GOLGA8S: variants seen among roughly 807,000 people sequenced by gnomAD.
The protein encoded by GOLGA8S is golgin subfamily A member 8S.
In GOLGA8S, 23 loss-of-function variants were observed where a neutral mutation model predicts 58.9. The observed-to-expected ratio is 0.39, with a 90% confidence interval of 0.28 to 0.55. The LOEUF is 0.55. Ranked by LOEUF, GOLGA8S falls within the 20% of genes least tolerant of loss-of-function variation. The probability of loss-of-function intolerance (pLI) is 0.63; values close to 1 mark genes in which losing one functional copy is unlikely to be tolerated. For missense variants in GOLGA8S, 266 were observed against 514.2 expected, an observed-to-expected ratio of 0.52 and a Z score of 4.67; for synonymous variants, 84 against 195.7, an observed-to-expected ratio of 0.43 and a Z score of 4.76.
At chr15:23,360,884 C>T (rs1264319661) in intron 11 of GOLGA8S, 69 bp downstream of exon 11, 2 of 930,992 alleles carry the variant, frequency 2.1e-6, no homozygotes, top group African/African-American at 1.6e-5. Flanking sequence ...GCTTGGAGTG[C>T]CCCAGCGAGG....
chr15:23,365,463 G>T (rs879243374), downstream of GOLGA8S: 1 of 438,364 alleles, frequency 2.3e-6, no homozygotes, highest in Non-Finnish European at 4.1e-6. Context: ...AACTGTTCTC[G>T]CTGGTTTGGA....
At chr15:23,361,939 G>C in intron 13 of GOLGA8S, 147 bp downstream of exon 13, 1 of 642,124 alleles carries the variant, frequency 1.6e-6, no homozygotes, top group Non-Finnish European at 2.8e-6. Flanking sequence ...TCCTGTGGCT[G>C]TTTCTTGCTT....
At chr15:23,365,070 G>A (rs1487069764) in exon 19 of GOLGA8S, 1 of 1,580,898 alleles carries the variant, frequency 6.3e-7, no homozygotes, top group Non-Finnish European at 8.6e-7. Flanking sequence ...GAGCACCCAG[G>A]CTTGGGCAAC....
intron 10 of GOLGA8S, 22 bp downstream of exon 10, chr15:23,360,554 C>T (rs1255114569): frequency 5.2e-6 from 4 of 762,528 alleles, no homozygotes; most frequent in Non-Finnish European, 9.5e-6. Flanking sequence ...CCCTTCAGCC[C>T]CCCCACATTA....
downstream of GOLGA8S, among the ~76,000 whole-genome samples, chr15:23,367,859 A>C (rs1306761696): frequency 1.3e-5 from 2 of 151,960 alleles, no homozygotes; most frequent in African/African-American, 4.8e-5. Flanking sequence ...ATGGCAATAT[A>C]TAATAATCAT....
downstream of GOLGA8S, chr15:23,366,443 A>G (rs2069923237): frequency 6.6e-6 from 1 of 151,944 alleles, no homozygotes; most frequent in Admixed American, 6.6e-5. Context: ...GTTGAAACAA[A>G]AGGGAGTTTT....
At chr15:23,357,090 G>A (rs1596014442) in intron 2 of GOLGA8S, among the ~76,000 whole-genome samples, 2 of 141,944 alleles carry the variant, frequency 1.4e-5, no homozygotes, top group East Asian at 4.2e-4. Context: ...ACAGTCACTT[G>A]GCACAGGAGT....
chr15:23,360,666 G>C (rs660589), intron 10 of GOLGA8S, 62 bp from the exon 11 acceptor site: 4 of 1,234,430 alleles, frequency 3.2e-6, no homozygotes, highest in South Asian at 1.2e-5. Context: ...GAGAGGGAGA[G>C]GGCAGCCTGT....
chr15:23,359,523 G>A (rs1432478341), intron 8 of GOLGA8S, among the ~76,000 whole-genome samples: 1 of 142,880 alleles, frequency 7.0e-6, no homozygotes, highest in African/African-American at 2.7e-5. Context: ...GTACAGAAGA[G>A]TACCTTTAGT....
At chr15:23,365,123 A>C (rs747010663) in exon 19 of GOLGA8S, 3 of 1,588,196 alleles carry the variant, frequency 1.9e-6, no homozygotes, top group Non-Finnish European at 2.6e-6. Context: ...GCTGCCAAGA[A>C]GAAGGAGATA....
chr15:23,361,806 T>C lies in GOLGA8S; in HGVS notation c.1179+14T>C, dbSNP rs1302819003. On this transcript the variant is annotated intron_variant, in intron 13 of 18. Transcript: ENST00000562295. ...AAGCTAGGCAAGGTGAAGGAGACGGTAACCTCCACCCCATCCAAGAAGGTC... is the reference window on the plus strand; with the variant it reads ...AAGCTAGGCAAGGTGAAGGAGACGGCAACCTCCACCCCATCCAAGAAGGTC... The C allele has an allele frequency of 4.5e-6, 3 of 665,334 alleles. No homozygotes were observed. The highest frequency in any genetic ancestry group is 8.1e-6 in the Non-Finnish European group (3 of 370,244). 41.2% of individuals were successfully genotyped at this position (665,334 alleles called of 1,614,324 possible).
At chr15:23,363,720 C>T in exon 15 of GOLGA8S, 1 of 534,948 alleles carries the variant, frequency 1.9e-6, no homozygotes, top group Non-Finnish European at 3.1e-6. Context: ...GAGGAGGCAC[C>T]TCGGCCCATT....
intron 15 of GOLGA8S, among the ~76,000 whole-genome samples, 194 bp from the exon 16 acceptor site, chr15:23,364,149 G>A (rs888904301): frequency 1.4e-5 from 2 of 138,028 alleles, no homozygotes; most frequent in African/African-American, 5.0e-5. Context: ...CCCAGAAGGA[G>A]CCAGAGGCAG....
chr15:23,362,656 T>C (rs2069821749), intron 13 of GOLGA8S, among the ~76,000 whole-genome samples: 1 of 139,726 alleles, frequency 7.2e-6, no homozygotes, highest in South Asian at 2.5e-4. Flanking sequence ...GGACATGAGA[T>C]TTGAGGCTGG....
At chr15:23,357,781 G>A (rs2069711355) in intron 4 of GOLGA8S, among the ~76,000 whole-genome samples, 162 bp downstream of exon 4, 1 of 149,012 alleles carries the variant, frequency 6.7e-6, no homozygotes, top group Non-Finnish European at 1.5e-5. Flanking sequence ...CATGCAGCAT[G>A]GCTCTTTTTT....
intron 4 of GOLGA8S, 86 bp downstream of exon 4, chr15:23,357,705 G>C: frequency 1.6e-6 from 1 of 608,784 alleles, no homozygotes; most frequent in African/African-American, 1.9e-5. Flanking sequence ...AGGGGACGGC[G>C]GCCCCTGGTG....
In GOLGA8S at chr15:23,364,782, GA is replaced by G; in HGVS notation, c.1614del (p.Lys538AsnfsTer35). 1 of 1,517,912 alleles carries G rather than the reference GA, an allele frequency of 6.6e-7. No homozygotes were observed. Among genetic ancestry groups the G allele is most frequent in the Non-Finnish European group, 8.8e-7 (1 of 1,134,250 alleles). The allele number at this position is 1,517,912 out of a possible 1,614,324, so 94.0% of individuals were successfully genotyped here. A position where few individuals can be genotyped will look rare whatever the true frequency, so the allele number is the denominator to read the frequency against. ...TACAGCAACTACAACAATGGGCACA[GA>G]AAATTCCTGGCCGCTGCCCACAACC... On this transcript the variant is annotated frameshift_variant, in exon 18 of 19. Transcript: ENST00000562295. LOFTEE classifies it high-confidence loss of function.
chr15:23,365,155 C>T (rs1453556362), downstream of GOLGA8S: 4 of 1,585,964 alleles, frequency 2.5e-6, no homozygotes, highest in South Asian at 4.4e-5. Flanking sequence ...CATCAAAGAG[C>T]TGCTCAAGAA....
downstream of GOLGA8S, chr15:23,366,074 C>T (rs2069917926): frequency 2.6e-5 from 4 of 151,222 alleles, 2 homozygotes; most frequent in South Asian, 8.8e-4. Flanking sequence ...CTGTTTTAAT[C>T]ACATGACTAC....
Sources: allele counts gnomAD v4.1 joint callset (sites outside exome capture counted in the v4.1 genomes callset), GRCh38; gene constraint gnomAD v4.1.1; transcripts MANE v1.5; gene names NCBI Gene and HGNC (gene_info 2026-07-23, HGNC 2026-07-21).